CDH18: variants seen among roughly 807,000 people sequenced by gnomAD.
CDH18 encodes the protein cadherin 18, also known as cadherin-18.
CDH18 carries 31 observed loss-of-function variants against 67.9 expected under a neutral mutation model. The observed-to-expected ratio is 0.46, with a 90% confidence interval of 0.34 to 0.62. The LOEUF (loss-of-function observed/expected upper bound fraction) is 0.62, where lower values mean the gene tolerates loss of function less well. Among genes scored for constraint, CDH18 ranks in the 20% least tolerant of loss-of-function variants. CDH18 has a pLI of 0.01. For synonymous variants in CDH18, 362 were observed against 347.2 expected (o/e 1.04, Z -0.48); for missense variants, 890 against 975.5 (o/e 0.91, Z 1.17).
intron 3 of CDH18, among the ~76,000 whole-genome samples, chr5:19,772,006 T>G (rs1773787486): frequency 6.6e-6 from 1 of 152,230 alleles, no homozygotes; most frequent in Admixed American, 6.5e-5. Context: ...TATAGCTTAC[T>G]AATGAATGTG....
intron 3 of CDH18, among the ~76,000 whole-genome samples, chr5:19,782,587 G>C (rs775477343): frequency 6.6e-6 from 1 of 152,170 alleles, no homozygotes; most frequent in Admixed American, 6.5e-5. Context: ...CTACAATGGA[G>C]TCAGGGCAGC....
intron 2 of CDH18, among the ~76,000 whole-genome samples, chr5:20,113,485 A>T (rs574097318): frequency 5.9e-5 from 9 of 152,178 alleles, no homozygotes; most frequent in Non-Finnish European, 1.3e-4. Context: ...TGGCAGATTG[A>T]TTGCATTCTC....
chr5:20,560,168 C>T (rs1758120480), intron 1 of CDH18, among the ~76,000 whole-genome samples: 1 of 152,060 alleles, frequency 6.6e-6, no homozygotes, highest in South Asian at 2.1e-4. Context: ...TCACAGATTT[C>T]TGAGTTTCTT....
chr5:19,664,121 A>G (rs554799882), intron 5 of CDH18, among the ~76,000 whole-genome samples: 19 of 152,084 alleles, frequency 1.2e-4, no homozygotes, highest in African/African-American at 4.3e-4. Flanking sequence ...ATAATATAAC[A>G]TGAAATCTTC....
Position 20,304,204 on chromosome 5 carries a change from A to G in CDH18, c.-579-48699T>C, listed in dbSNP as rs1019566232. The G allele has an allele frequency of 3.3e-6, 5 of 1,502,168 alleles. No homozygotes were observed. In the African/African-American group the frequency reaches 4.1e-5, roughly 12 times the overall value. 93.1% of individuals were successfully genotyped at this position (1,502,168 alleles called of 1,614,324 possible). A position where few individuals can be genotyped will look rare whatever the true frequency, so the allele number is the denominator to read the frequency against. On this transcript the variant is annotated intron_variant, in intron 1 of 14. Coordinates refer to the CDH18 transcript ENST00000507958. ...AAACGTTATTTTTCCCTGTTGGCGT[A>G]CGTGGCATATTGGGTGGAATCAGAG... is the stretch of plus-strand genomic sequence containing the variant.
intron 2 of CDH18, among the ~76,000 whole-genome samples, chr5:20,038,462 C>A (rs1296725410): frequency 6.6e-6 from 1 of 152,126 alleles, no homozygotes; most frequent in East Asian, 1.9e-4. Flanking sequence ...TACTGACAAC[C>A]CAAATCCAGC....
chr5:20,546,478 G>A (rs1460771763), intron 1 of CDH18, among the ~76,000 whole-genome samples: 4 of 152,140 alleles, frequency 2.6e-5, no homozygotes, highest in Admixed American at 1.3e-4. Context: ...TGGATGGGAG[G>A]CCTCAGGAAA....
chr5:20,401,118 GTTTA>G (rs1745734100), intron 1 of CDH18, among the ~76,000 whole-genome samples: 1 of 152,088 alleles, frequency 6.6e-6, no homozygotes, highest in Non-Finnish European at 1.5e-5. Context: ...ATTGCACAGT[GTTTA>G]TTTAGCACAA....
chr5:19,703,909 T>G (rs1411667495), intron 5 of CDH18, among the ~76,000 whole-genome samples: 1 of 152,190 alleles, frequency 6.6e-6, no homozygotes, highest in East Asian at 1.9e-4. Context: ...ATAGGATTAC[T>G]TCTAGGTAGA....
chr5:19,947,794 A>G (rs1187266439), intron 2 of CDH18, among the ~76,000 whole-genome samples: 4 of 151,824 alleles, frequency 2.6e-5, no homozygotes, highest in Non-Finnish European at 5.9e-5. Context: ...AATACAAACT[A>G]TTGCTTTTCA....
chr5:19,834,464 C>CA (rs906400527), intron 3 of CDH18, among the ~76,000 whole-genome samples: 21 of 147,810 alleles, frequency 1.4e-4, no homozygotes, highest in African/African-American at 3.2e-4. Flanking sequence ...TAATTTTTTT[C>CA]AAAAAAAACA....
chr5:19,584,332 C>G (rs528723921), intron 7 of CDH18, among the ~76,000 whole-genome samples: 7 of 152,212 alleles, frequency 4.6e-5, no homozygotes, highest in African/African-American at 1.7e-4. Flanking sequence ...GTCCTGCTGG[C>G]GGATTTATAG....
chr5:19,937,961 C>CTA lies in CDH18; in HGVS notation c.-257+43097_-257+43098dup, dbSNP rs369843082. Among the ~76,000 whole-genome samples the CTA allele has an allele frequency of 2.4e-3, 350 of 144,406 alleles. 1 individual carries two copies. Among genetic ancestry groups the CTA allele is most frequent in the African/African-American group, 7.4e-3 (295 of 39,706 alleles). 94.7% of individuals were successfully genotyped at this position (144,406 alleles called of 152,430 possible). A position where few individuals can be genotyped will look rare whatever the true frequency, so the allele number is the denominator to read the frequency against. ...CACTAACCTTGAAAAAATATATTTG[C>CTA]TATATATATATATAGTGTATATAAA... On this transcript the variant is annotated intron_variant, in intron 2 of 12. Coordinates refer to ENST00000382275, the MANE Select transcript of CDH18 (RefSeq NM_004934.5).
At chr5:20,215,831 G>A (rs115887729) in intron 2 of CDH18, among the ~76,000 whole-genome samples, 3,574 of 152,008 alleles carry the variant, frequency 0.024, 147 homozygotes, top group African/African-American at 0.08. Flanking sequence ...GCAGGAACAT[G>A]GATGGAGCTG....
intron 11 of CDH18, among the ~76,000 whole-genome samples, chr5:19,501,522 A>C (rs1356529669): frequency 6.6e-6 from 1 of 151,568 alleles, no homozygotes; most frequent in Non-Finnish European, 1.5e-5. Context: ...AAGAAAAAAA[A>C]AAAAAAAAGA....
At chr5:19,767,422 A>T (rs1455531409) in intron 3 of CDH18, among the ~76,000 whole-genome samples, 2 of 152,110 alleles carry the variant, frequency 1.3e-5, no homozygotes, top group African/African-American at 4.8e-5. Flanking sequence ...GAAATAAGCA[A>T]AGGAAATAGC....
At chr5:19,996,033 T>G (rs1735986971) in intron 2 of CDH18, among the ~76,000 whole-genome samples, 1 of 152,154 alleles carries the variant, frequency 6.6e-6, no homozygotes, top group South Asian at 2.1e-4. Context: ...AAAATCATTT[T>G]AATGACTTTT....
chr5:20,171,692 T>C (rs547124873), intron 2 of CDH18, among the ~76,000 whole-genome samples: 2 of 152,102 alleles, frequency 1.3e-5, no homozygotes, highest in Non-Finnish European at 2.9e-5. Flanking sequence ...TGATACTTTC[T>C]TTTGCATTGC....
intron 1 of CDH18, among the ~76,000 whole-genome samples, chr5:20,289,001 TTC>T (rs60539547): frequency 0.025 from 3,733 of 152,100 alleles, 159 homozygotes; most frequent in African/African-American, 0.084. Flanking sequence ...GTAGTAAGAA[TTC>T]TTTGGATTCT....
Sources: gnomAD v4.1 joint callset for allele counts (sites outside exome capture counted in the v4.1 genomes callset) on GRCh38, gnomAD v4.1.1 for gene constraint, MANE v1.5 for transcripts, NCBI Gene and HGNC (gene_info 2026-07-23, HGNC 2026-07-21) for gene names.